Variants in PLCXD3 observed in about 807,000 individuals in gnomAD.
PLCXD3 encodes the protein PI-PLC X domain-containing protein 3.
PLCXD3 carries 19 observed loss-of-function variants against 25.5 expected under a neutral mutation model. That is an observed-to-expected ratio of 0.75 (90% CI 0.52 to 1.09). The LOEUF is 1.09. PLCXD3 is among the 50% of genes least tolerant of loss of function. PLCXD3 has a pLI of 0.00. For synonymous variants in PLCXD3, 174 were observed against 137.6 expected, an observed-to-expected ratio of 1.26 and a Z score of -1.85; for missense variants, 411 against 388.1, an observed-to-expected ratio of 1.06 and a Z score of -0.50.
intron 1 of PLCXD3, among the ~76,000 whole-genome samples, chr5:41,482,677 G>T (rs1188151728): frequency 6.6e-6 from 1 of 152,166 alleles, no homozygotes. Flanking sequence ...TAGAGCCTCA[G>T]AAAATTAGGA....
chr5:41,440,216 T>TTTTTG (rs1747351945), intron 1 of PLCXD3, among the ~76,000 whole-genome samples: 1 of 12,438 alleles, frequency 8.0e-5, no homozygotes, highest in African/African-American at 2.3e-4. Context: ...AATCTCTCAA[T>TTTTTG]TTTTTTTTTT....
At chr5:41,454,575 G>A (rs1034597215) in intron 1 of PLCXD3, among the ~76,000 whole-genome samples, 4 of 151,880 alleles carry the variant, frequency 2.6e-5, no homozygotes, top group African/African-American at 7.2e-5. Context: ...GAGTTTTAAC[G>A]TGAACTTTTG....
At position 41,313,371 on chromosome 5, in the gene PLCXD3, G is replaced by A. The variant is rs1743195192; in HGVS notation, c.*246C>T. 2 of 432,568 alleles carry A rather than the reference G, an allele frequency of 4.6e-6. No homozygotes were observed. Among genetic ancestry groups the A allele is most frequent in the African/African-American group, 2.1e-5 (1 of 47,840 alleles). 26.8% of individuals were successfully genotyped at this position (432,568 alleles called of 1,614,324 possible). On this transcript the variant is annotated 3_prime_UTR_variant, in exon 3 of 3. Transcript: ENST00000377801. ...CTAATTTTGAAAAACAAAGTTACTGGTCTTTTTTTTTTATTCCTAACACTA... is the reference window on the plus strand; with the variant it reads ...CTAATTTTGAAAAACAAAGTTACTGATCTTTTTTTTTTATTCCTAACACTA...
At chr5:41,335,953 G>A (rs1237940904) in intron 2 of PLCXD3, among the ~76,000 whole-genome samples, 4 of 152,070 alleles carry the variant, frequency 2.6e-5, no homozygotes, top group African/African-American at 9.7e-5. Context: ...GAAATGTTCC[G>A]TGGACTCTCA....
chr5:41,493,959 G>T (rs890421526), intron 1 of PLCXD3, among the ~76,000 whole-genome samples: 12 of 152,196 alleles, frequency 7.9e-5, no homozygotes, highest in Non-Finnish European at 1.6e-4. Context: ...TGCGCCCACT[G>T]TCTGGCACTC....
intron 1 of PLCXD3, among the ~76,000 whole-genome samples, chr5:41,453,210 T>A (rs1301840337): frequency 1.3e-5 from 2 of 151,938 alleles, no homozygotes; most frequent in Non-Finnish European, 1.5e-5. Flanking sequence ...TCTCCTTCCA[T>A]GACTTTGACA....
chr5:41,351,561 G>T (rs1744459971), intron 2 of PLCXD3, among the ~76,000 whole-genome samples: 1 of 152,144 alleles, frequency 6.6e-6, no homozygotes, highest in Non-Finnish European at 1.5e-5. Context: ...TGAACTGAAA[G>T]CCCAAGGGCC....
chr5:41,400,579 G>T (rs538455017), intron 1 of PLCXD3, among the ~76,000 whole-genome samples: 1 of 152,138 alleles, frequency 6.6e-6, no homozygotes, highest in African/African-American at 2.4e-5. Flanking sequence ...CATGAAATAA[G>T]CTGGGCACAG....
In PLCXD3 at chr5:41,349,167, T is replaced by C. The variant is rs140230808; in HGVS notation, c.812+32659A>G. ...TGTGAAGACCCCTAGCTCTATCTAGTAGTTGTTTAAATGGTCAGAAAATTA... is the reference window on the plus strand; with the variant it reads ...TGTGAAGACCCCTAGCTCTATCTAGCAGTTGTTTAAATGGTCAGAAAATTA... On this transcript the variant is annotated intron_variant, in intron 2 of 2. Coordinates refer to ENST00000377801, the MANE Select transcript of PLCXD3 (RefSeq NM_001005473.3). 3.9e-4 allele frequency among the ~76,000 whole-genome samples: 59 copies of C among 152,300 alleles called. No homozygotes were observed. The East Asian group carries it at 7.3e-3, about 19-fold the overall frequency.
At chr5:41,473,461 TTAA>T (rs955066004) in intron 1 of PLCXD3, among the ~76,000 whole-genome samples, 1 of 151,622 alleles carries the variant, frequency 6.6e-6, no homozygotes, top group Non-Finnish European at 1.5e-5. Flanking sequence ...AATTAATTAA[TTAA>T]TAATAATTAT....
intron 1 of PLCXD3, among the ~76,000 whole-genome samples, chr5:41,483,068 C>T (rs1214564462): frequency 2.0e-5 from 3 of 152,174 alleles, no homozygotes; most frequent in Non-Finnish European, 4.4e-5. Flanking sequence ...GTAATATTCT[C>T]AAGGTTCATT....
chr5:41,358,321 C>T (rs1467627636), intron 2 of PLCXD3, among the ~76,000 whole-genome samples: 1 of 152,038 alleles, frequency 6.6e-6, no homozygotes, highest in Non-Finnish European at 1.5e-5. Context: ...TTTTATATTT[C>T]AGTAGGTTTT....
intron 1 of PLCXD3, among the ~76,000 whole-genome samples, chr5:41,489,236 C>T (rs1287718688): frequency 6.6e-6 from 1 of 152,062 alleles, no homozygotes; most frequent in African/African-American, 2.4e-5. Flanking sequence ...GATCAGATAG[C>T]TGTAGATAAG....
At chr5:41,339,800 A>G (rs1339579222) in intron 2 of PLCXD3, among the ~76,000 whole-genome samples, 2 of 152,172 alleles carry the variant, frequency 1.3e-5, no homozygotes, top group African/African-American at 4.8e-5. Flanking sequence ...TTAATCTATA[A>G]TGCTATAAAA....
intron 1 of PLCXD3, among the ~76,000 whole-genome samples, chr5:41,407,371 G>T (rs919422679): frequency 6.6e-6 from 1 of 152,060 alleles, no homozygotes; most frequent in Non-Finnish European, 1.5e-5. Context: ...AATACATGAT[G>T]ATCAACATGA....
intron 1 of PLCXD3, among the ~76,000 whole-genome samples, chr5:41,451,694 A>G (rs1747636403): frequency 6.6e-6 from 1 of 151,836 alleles, no homozygotes; most frequent in Admixed American, 6.6e-5. Context: ...TCAGCAAAGA[A>G]CATGATGAAC....
At chr5:41,490,336 C>T (rs1043653176) in intron 1 of PLCXD3, among the ~76,000 whole-genome samples, 1 of 152,182 alleles carries the variant, frequency 6.6e-6, no homozygotes, top group Non-Finnish European at 1.5e-5. Context: ...ATTCAGTTTG[C>T]CAGTATTTTA....
At chr5:41,361,102 T>A (rs975741894) in intron 2 of PLCXD3, among the ~76,000 whole-genome samples, 14 of 151,886 alleles carry the variant, frequency 9.2e-5, no homozygotes, top group Admixed American at 8.5e-4. Context: ...GATGGGGGTG[T>A]GGATCTCAGG....
intron 2 of PLCXD3, among the ~76,000 whole-genome samples, chr5:41,339,980 C>T (rs1412499565): frequency 6.6e-6 from 1 of 152,156 alleles, no homozygotes; most frequent in African/African-American, 2.4e-5. Context: ...GAGGAGCCTT[C>T]AGTCAGAAAC....
Sources: gnomAD v4.1 joint callset for allele counts (sites outside exome capture counted in the v4.1 genomes callset) on GRCh38, gnomAD v4.1.1 for gene constraint, MANE v1.5 for transcripts, NCBI Gene and HGNC (gene_info 2026-07-23, HGNC 2026-07-21) for gene names.